The following MFAP5 variants were observed in gnomAD, a reference collection of about 807,000 sequenced individuals.
MFAP5 encodes microfibril associated protein 5.
A neutral mutation model predicts 30.1 loss-of-function variants in MFAP5; 19 were observed. The observed-to-expected ratio is 0.63, with a 90% CI of 0.44 to 0.93. The LOEUF is 0.93. Among genes scored for constraint, MFAP5 ranks in the 40% least tolerant of loss-of-function variants. MFAP5 has a pLI of 0.00. For synonymous variants in MFAP5, 92 were observed against 72.9 expected (o/e 1.26, Z -1.33); for missense variants, 210 against 221.3 (o/e 0.95, Z 0.32).
rs1941727869 is a variant in MFAP5, at chr12:8,647,976, C to T, written c.*115G>A. 7 of 699,622 alleles carry T rather than the reference C, an allele frequency of 1.0e-5. No individual in the cohort carries two copies. In the South Asian group the frequency reaches 1.4e-4, roughly 14 times the overall value. 43.3% of individuals were successfully genotyped at this position (699,622 alleles called of 1,614,324 possible). On this transcript the variant is annotated 3_prime_UTR_variant, in exon 10 of 10. Transcript: ENST00000359478. Reference sequence around the variant, plus strand: ...GAGTAGGGGTAAAAGCTGGACATTGCAAAAGGATTGGTTTAAGAAATACTG... The same window carrying T: ...GAGTAGGGGTAAAAGCTGGACATTGTAAAAGGATTGGTTTAAGAAATACTG...
At chr12:8,660,598 T>C (rs1466954368) in intron 3 of MFAP5, among the ~76,000 whole-genome samples, 1 of 152,072 alleles carries the variant, frequency 6.6e-6, no homozygotes, top group Non-Finnish European at 1.5e-5. Context: ...ACAGAAATGG[T>C]CATAGAGGAT....
intron 6 of MFAP5, among the ~76,000 whole-genome samples, chr12:8,653,251 C>A (rs1941891993): frequency 6.6e-6 from 1 of 151,944 alleles, no homozygotes; most frequent in Non-Finnish European, 1.5e-5. Flanking sequence ...ACAATCCCCT[C>A]TCCCTTATAG....
intron 3 of MFAP5, among the ~76,000 whole-genome samples, chr12:8,658,302 A>C (rs899110388): frequency 6.6e-6 from 1 of 152,104 alleles, no homozygotes; most frequent in Non-Finnish European, 1.5e-5. Context: ...GTGAGCTGAG[A>C]TCTTGCCACT....
chr12:8,661,189 C>T (rs1167768148), intron 2 of MFAP5, among the ~76,000 whole-genome samples: 1 of 152,192 alleles, frequency 6.6e-6, no homozygotes, highest in Non-Finnish European at 1.5e-5. Flanking sequence ...TACCCTCATT[C>T]CTGGCCAGGA....
At chr12:8,649,383 C>CT in intron 9 of MFAP5, 118 bp downstream of exon 9, 1 of 837,518 alleles carries the variant, frequency 1.2e-6, no homozygotes, top group South Asian at 1.5e-5. Flanking sequence ...CTGATGGACT[C>CT]TAAGGGGGTA....
At chr12:8,649,976 T>TA (rs1941790126) in intron 8 of MFAP5, among the ~76,000 whole-genome samples, 1 of 152,194 alleles carries the variant, frequency 6.6e-6, no homozygotes, top group Non-Finnish European at 1.5e-5. Context: ...ATATCATTCT[T>TA]ATGTTTTTGC....
intron 3 of MFAP5, among the ~76,000 whole-genome samples, chr12:8,656,033 G>A (rs766182486): frequency 1.3e-5 from 2 of 151,592 alleles, no homozygotes; most frequent in African/African-American, 4.8e-5. Context: ...TATACCAAAG[G>A]CATTGTGATT....
intron 3 of MFAP5, 112 bp from the exon 4 acceptor site, chr12:8,655,942 C>A: frequency 1.2e-6 from 1 of 862,450 alleles, no homozygotes; most frequent in Non-Finnish European, 1.9e-6. Flanking sequence ...GAGTATCCCA[C>A]AAATGTTTTT....
chr12:8,648,674 C>G (rs1194426982), intron 9 of MFAP5: 1 of 422,016 alleles, frequency 2.4e-6, no homozygotes, highest in Non-Finnish European at 4.0e-6. Flanking sequence ...GTCCCAAATA[C>G]CCATCCTCAA....
rs146450808 is a variant in MFAP5, at chr12:8,659,890, A to G, written c.94+973T>C. Among the ~76,000 whole-genome samples the G allele has an allele frequency of 1.9e-3, 284 of 152,286 alleles. 1 individual carries two copies. The highest frequency in any genetic ancestry group is 6.6e-3 in the African/African-American group (273 of 41,564). On this transcript the variant is annotated intron_variant, in intron 3 of 9. Coordinates refer to ENST00000359478, the MANE Select transcript of MFAP5 (RefSeq NM_003480.4). The stretch of plus-strand genomic sequence containing the variant: ...ATTAATACCAGTTGTGACCCACTAA[A>G]TTGATTTCATGATCCCATTAATAGG...
intron 6 of MFAP5, among the ~76,000 whole-genome samples, chr12:8,652,723 C>T (rs1211446066): frequency 6.6e-6 from 1 of 152,176 alleles, no homozygotes; most frequent in Non-Finnish European, 1.5e-5. Context: ...CATCTCTCTC[C>T]TAAACTCCAG....
intron 7 of MFAP5, 93 bp from the exon 8 acceptor site, chr12:8,650,682 A>G (rs961908716): frequency 1.7e-4 from 171 of 1,035,844 alleles, no homozygotes; most frequent in Non-Finnish European, 2.3e-4. Context: ...ATAGAGTAGG[A>G]AAAAAATACA....
At chr12:8,651,070 G>A (rs763523725) in intron 7 of MFAP5, among the ~76,000 whole-genome samples, 1 of 152,268 alleles carries the variant, frequency 6.6e-6, no homozygotes, top group South Asian at 2.1e-4. Flanking sequence ...GGGAGGCTGA[G>A]GCGGGAGAAT....
In MFAP5 at chr12:8,647,103, C is replaced by CT. The variant is rs1941700057; in HGVS notation, c.*987_*988insA. On this transcript the variant is annotated 3_prime_UTR_variant, in exon 10 of 10. Transcript: ENST00000359478. Reference sequence around the variant, plus strand: ...TCACTCTTTCGTATTAACTATTAGGCAAACTTTCTGTCTGCCTATTAAAAT... The same window carrying CT: ...TCACTCTTTCGTATTAACTATTAGGCTAAACTTTCTGTCTGCCTATTAAAAT... 6.6e-6 allele frequency: 1 copy of CT among 152,160 alleles called. No homozygotes were observed. Among genetic ancestry groups the CT allele is most frequent in the African/African-American group, 2.4e-5 (1 of 41,452 alleles). The allele number at this position is 152,160 out of a possible 1,614,324, so 9.4% of individuals were successfully genotyped here.
chr12:8,651,567 T>C, intron 7 of MFAP5, 95 bp downstream of exon 7: 1 of 1,235,056 alleles, frequency 8.1e-7, no homozygotes, highest in Non-Finnish European at 1.2e-6. Flanking sequence ...GGAAGTAAAC[T>C]AGAAGATGTG....
intron 3 of MFAP5, among the ~76,000 whole-genome samples, chr12:8,656,649 C>CACACACACACACACATAT (rs1265607160): frequency 9.2e-6 from 1 of 109,076 alleles, no homozygotes; most frequent in African/African-American, 3.5e-5. Flanking sequence ...CACACACACA[C>CACACACACACACACATAT]ATATATATAT....
intron 3 of MFAP5, among the ~76,000 whole-genome samples, chr12:8,658,293 T>G (rs1158448976): frequency 1.3e-5 from 2 of 152,040 alleles, no homozygotes; most frequent in Admixed American, 6.6e-5. Context: ...GAGGTTGCAG[T>G]GAGCTGAGAT....
In MFAP5 at chr12:8,654,449, T is replaced by C. The variant is rs1941926932; in HGVS notation, c.205A>G (p.Thr69Ala). Residue 69 changes from threonine (T) to alanine (A), a missense_variant, in exon 6 of 10, where the codon ACA becomes GCA. Transcript: ENST00000359478. ...LAVLADIAPS[T>A]DDLASLSEKN... ...GATCTGAACTCACCCAAGTCATCTG[T>C]GGAAGGTGCAATATCAGCCAAAACA... 1 of 1,602,778 alleles carries C rather than the reference T, an allele frequency of 6.2e-7. No homozygotes were observed. Among genetic ancestry groups the C allele is most frequent in the African/African-American group, 1.3e-5 (1 of 74,652 alleles).
intron 6 of MFAP5, among the ~76,000 whole-genome samples, chr12:8,652,650 T>G (rs2136465225): frequency 1.3e-5 from 2 of 152,242 alleles, no homozygotes; most frequent in East Asian, 3.9e-4. Context: ...TGAGATCTCA[T>G]CTATCCCATG....
Sources: allele counts gnomAD v4.1 joint callset (sites outside exome capture counted in the v4.1 genomes callset), GRCh38; gene constraint gnomAD v4.1.1; transcripts MANE v1.5; gene names NCBI Gene and HGNC (gene_info 2026-07-23, HGNC 2026-07-21).